Variants in ADGRV1 observed in about 807,000 individuals in gnomAD.
ADGRV1 encodes G-protein coupled receptor 98.
In ADGRV1, 359 loss-of-function variants were observed where a neutral mutation model predicts 596.2. The ratio of observed to expected loss-of-function variants is 0.60; its 90% CI spans 0.55 to 0.66. ADGRV1 has a LOEUF of 0.66. Among genes scored for constraint, ADGRV1 ranks in the 30% least tolerant of loss-of-function variants. ADGRV1 has a pLI of 0.00. For missense variants in ADGRV1, 7,274 were observed against 7,575.6 expected, an observed-to-expected ratio of 0.96 and a Z score of 1.48; for synonymous variants, 2,681 against 2,679.2, an observed-to-expected ratio of 1.00 and a Z score of -0.02.
chr5:90,665,822 C>T (rs529962675), intron 21 of ADGRV1, among the ~76,000 whole-genome samples: 1,923 of 151,432 alleles, frequency 0.013, 38 homozygotes, highest in African/African-American at 0.044. Context: ...TGTCTTCGTT[C>T]TTGTTGGTTT....
chr5:91,074,411 G>C (rs1299506789), intron 86 of ADGRV1, among the ~76,000 whole-genome samples: 1 of 152,114 alleles, frequency 6.6e-6, no homozygotes, highest in African/African-American at 2.4e-5. Context: ...CCACTTATTA[G>C]TGAGAACATG....
Position 90,603,612 on chromosome 5 carries a change from G to A in ADGRV1, c.23-11223G>A, listed in dbSNP as rs1212818597. ...GAAACTCAAGGCCATGTGAAGGGAA[G>A]TGACTTGTCTAAACTTCTACAGCTG... On this transcript the variant is annotated intron_variant, in intron 1 of 89. Transcript: ENST00000405460. Among the ~76,000 whole-genome samples the A allele has an allele frequency of 3.9e-5, 6 of 152,218 alleles. No individual in the cohort carries two copies. In the East Asian group the frequency reaches 1.2e-3, roughly 30 times the overall value.
At chr5:91,015,511 G>A (rs1425053746) in intron 85 of ADGRV1, among the ~76,000 whole-genome samples, 1 of 152,032 alleles carries the variant, frequency 6.6e-6, no homozygotes, top group African/African-American at 2.4e-5. Context: ...TTGTGCGGGA[G>A]TCTATGTCTC....
intron 21 of ADGRV1, among the ~76,000 whole-genome samples, chr5:90,669,481 A>G (rs1477036013): frequency 1.3e-5 from 2 of 152,238 alleles, no homozygotes; most frequent in African/African-American, 4.8e-5. Flanking sequence ...CTTAAAAAAA[A>G]TAGAGACCTG....
At chr5:90,908,985 G>A (rs1772588050) in intron 83 of ADGRV1, among the ~76,000 whole-genome samples, 1 of 152,144 alleles carries the variant, frequency 6.6e-6, no homozygotes, top group South Asian at 2.1e-4. Context: ...TAGGAGAGGA[G>A]TATATTGCGG....
intron 82 of ADGRV1, among the ~76,000 whole-genome samples, chr5:90,859,736 A>C (rs2247415): frequency 0.6 from 91,269 of 151,922 alleles, 27,767 homozygotes; most frequent in East Asian, 0.83. Context: ...ACCAGTGGTG[A>C]CTGAGCCCTT....
At chr5:90,681,210 G>A in intron 26 of ADGRV1, 105 bp from the exon 27 acceptor site, 1 of 1,218,720 alleles carries the variant, frequency 8.2e-7, no homozygotes, top group Non-Finnish European at 1.1e-6. Flanking sequence ...TGTACTCAAT[G>A]AATGGAAGGA....
At chr5:91,003,647 T>C (rs1782025368) in intron 85 of ADGRV1, among the ~76,000 whole-genome samples, 1 of 152,186 alleles carries the variant, frequency 6.6e-6, no homozygotes, top group African/African-American at 2.4e-5. Context: ...CACTAAAATT[T>C]AGGAAGATCC....
At chr5:91,036,241 G>A (rs945817590) in intron 85 of ADGRV1, among the ~76,000 whole-genome samples, 2 of 151,976 alleles carry the variant, frequency 1.3e-5, no homozygotes, top group Admixed American at 6.6e-5. Flanking sequence ...GTTCACACCT[G>A]TAATCCCAAC....
intron 83 of ADGRV1, among the ~76,000 whole-genome samples, chr5:90,947,020 G>C (rs1408540356): frequency 6.6e-6 from 1 of 152,066 alleles, no homozygotes; most frequent in Non-Finnish European, 1.5e-5. Context: ...TCTGGTTCTA[G>C]GTCTTTGAGG....
chr5:90,848,559 A>G, intron 78 of ADGRV1, 78 bp from the exon 79 acceptor site: 2 of 674,218 alleles, frequency 3.0e-6, no homozygotes, highest in East Asian at 3.4e-5. Flanking sequence ...TAAGGAACAC[A>G]CACACATATA....
intron 85 of ADGRV1, among the ~76,000 whole-genome samples, chr5:91,045,509 CA>C (rs1353603138): frequency 6.6e-6 from 1 of 152,124 alleles, no homozygotes; most frequent in Non-Finnish European, 1.5e-5. Context: ...TTAAAACTCT[CA>C]GCAAAATTGG....
At chr5:90,935,982 C>T (rs1481386921) in intron 83 of ADGRV1, among the ~76,000 whole-genome samples, 2 of 152,056 alleles carry the variant, frequency 1.3e-5, no homozygotes, top group African/African-American at 4.8e-5. Context: ...TAGCGACCAC[C>T]CCATCTCTAA....
At position 90,774,756 on chromosome 5, in the gene ADGRV1, A is replaced by G. The variant is rs977873267; in HGVS notation, c.12403+453A>G. ...TTAAGAAAACAGGTTTTGCAACAAC[A>G]TGCTAAATGTAATCTGTTTTGTCAT... is the stretch of plus-strand genomic sequence containing the variant. On this transcript the variant is annotated intron_variant, in intron 60 of 89. Transcript: ENST00000405460. 5.9e-5 allele frequency among the ~76,000 whole-genome samples: 9 copies of G among 152,186 alleles called. No homozygotes were observed. In the East Asian group the frequency reaches 1.7e-3, roughly 29 times the overall value.
intron 2 of ADGRV1, among the ~76,000 whole-genome samples, chr5:90,616,477 T>G (rs1010515960): frequency 2.2e-4 from 34 of 152,176 alleles, no homozygotes; most frequent in Non-Finnish European, 1.5e-5. Context: ...TAGGTTGAGT[T>G]TGGGAAAGAG....
chr5:90,664,894 C>G (rs1181073442), intron 21 of ADGRV1, among the ~76,000 whole-genome samples: 1 of 151,130 alleles, frequency 6.6e-6, no homozygotes, highest in East Asian at 2.0e-4. Context: ...GTCTTTGGCT[C>G]TGTTTATATG....
At chr5:90,853,994 A>G in intron 80 of ADGRV1, 68 bp from the exon 81 acceptor site, 2 of 1,164,378 alleles carry the variant, frequency 1.7e-6, no homozygotes, top group South Asian at 1.4e-5. Context: ...AGTCAAGTTC[A>G]GGGTAAGAGA....
At chr5:90,801,006 A>C (rs1014026707) in intron 70 of ADGRV1, among the ~76,000 whole-genome samples, 1 of 152,086 alleles carries the variant, frequency 6.6e-6, no homozygotes, top group Non-Finnish European at 1.5e-5. Flanking sequence ...CCACCATGGC[A>C]TATGTATACC....
Position 90,790,982 on chromosome 5 carries a change from T to C in ADGRV1, c.14153T>C (p.Leu4718Ser). The change falls in exon 70 of 90, where the codon TTG becomes TCG. Residue 4718 changes from leucine (L) to serine (S), a missense_variant. By Grantham distance (145) the Leu-to-Ser change is moderately radical (BLOSUM62 -2). This residue lies in a region of ADGRV1 where 1,874 missense variants were observed against 1,970.2 expected (regional missense o/e 0.95). Transcript: ENST00000405460. ...AGTGAAGCTAGCTTTGATGTTCATT[T>C]GCTACCAGATGAGGTACCTGAGATA... ...GESEASFDVH[L>S]LPDEVPEIEE... 1 of 1,613,834 alleles carries C rather than the reference T, an allele frequency of 6.2e-7. No individual in the cohort carries two copies. Among genetic ancestry groups the C allele is most frequent in the South Asian group, 1.1e-5 (1 of 91,076 alleles).
Sources: gnomAD v4.1 joint callset for allele counts (sites outside exome capture counted in the v4.1 genomes callset) on GRCh38, gnomAD v4.1.1 for gene constraint, gnomAD v4.1.1 regional missense constraint, MANE v1.5 for transcripts, NCBI Gene and HGNC (gene_info 2026-07-23, HGNC 2026-07-21) for gene names.